The following NRG1 variants were observed in gnomAD, a reference collection of about 807,000 sequenced individuals.
The protein encoded by NRG1 is pro-neuregulin-1, membrane-bound isoform.
In NRG1, 18 loss-of-function variants were observed where a neutral mutation model predicts 63.8. The ratio of observed to expected loss-of-function variants is 0.28; its 90% CI spans 0.19 to 0.42. The LOEUF is 0.42. Ranked by LOEUF, NRG1 falls within the 10% of genes least tolerant of loss-of-function variation. The probability of loss-of-function intolerance (pLI) is 1.00; values close to 1 mark genes in which losing one functional copy is unlikely to be tolerated. For missense variants in NRG1, 762 were observed against 814.7 expected, an observed-to-expected ratio of 0.94 and a Z score of 0.79; for synonymous variants, 302 against 301.3, an observed-to-expected ratio of 1.00 and a Z score of -0.02.
intron 5 of NRG1, among the ~76,000 whole-genome samples, chr8:32,656,217 A>G (rs886598970): frequency 1.1e-4 from 17 of 152,174 alleles, no homozygotes; most frequent in Admixed American, 9.8e-4. Flanking sequence ...AAATGAGCAG[A>G]TAAAAATATT....
intron 1 of NRG1, among the ~76,000 whole-genome samples, chr8:31,934,615 C>A (rs1835149847): frequency 6.6e-6 from 1 of 151,796 alleles, no homozygotes; most frequent in Non-Finnish European, 1.5e-5. Context: ...TTTGTACCTC[C>A]AAAATGTTTG....
chr8:32,188,800 G>A (rs1222307480), intron 1 of NRG1, among the ~76,000 whole-genome samples: 1 of 151,918 alleles, frequency 6.6e-6, no homozygotes, highest in Admixed American at 6.6e-5. Flanking sequence ...ATCACACTCT[G>A]GGGACTGTTG....
At chr8:32,397,780 A>G (rs774610016) in intron 1 of NRG1, among the ~76,000 whole-genome samples, 8 of 152,152 alleles carry the variant, frequency 5.3e-5, no homozygotes, top group Non-Finnish European at 1.2e-4. Context: ...TACCCAGTCT[A>G]TTGCAGGTTT....
At chr8:32,067,637 C>T (rs1472893955) in intron 1 of NRG1, among the ~76,000 whole-genome samples, 1 of 152,074 alleles carries the variant, frequency 6.6e-6, no homozygotes, top group Non-Finnish European at 1.5e-5. Flanking sequence ...TGAACCTCAC[C>T]TTTGGAAGTT....
intron 1 of NRG1, among the ~76,000 whole-genome samples, chr8:31,824,678 A>G (rs1345059406): frequency 6.6e-6 from 1 of 152,256 alleles, no homozygotes; most frequent in East Asian, 1.9e-4. Context: ...CTGCAGATGC[A>G]TGTAAAGCTA....
At chr8:32,414,264 A>G (rs1815542894) in intron 1 of NRG1, among the ~76,000 whole-genome samples, 2 of 152,128 alleles carry the variant, frequency 1.3e-5, no homozygotes, top group South Asian at 4.1e-4. Context: ...CATTATGGTT[A>G]TAGCTGAGAT....
At chr8:32,588,214 C>G (rs968627847) in intron 1 of NRG1, among the ~76,000 whole-genome samples, 1 of 152,064 alleles carries the variant, frequency 6.6e-6, no homozygotes, top group Non-Finnish European at 1.5e-5. Context: ...GAGCCACCAG[C>G]GCCCAGCCCT....
chr8:31,740,955 C>CAT (rs1201808359), intron 1 of NRG1, among the ~76,000 whole-genome samples: 4 of 151,990 alleles, frequency 2.6e-5, no homozygotes, highest in African/African-American at 9.7e-5. Context: ...GTAGCAAAGA[C>CAT]ATGGAAATCA....
intron 1 of NRG1, among the ~76,000 whole-genome samples, chr8:31,695,039 T>C (rs1195544867): frequency 1.3e-5 from 2 of 152,162 alleles, no homozygotes; most frequent in Non-Finnish European, 2.9e-5. Context: ...TTCTGCAGGC[T>C]GTACAGGAAG....
chr8:32,766,643 A>G (rs765767615), exon 12 of NRG1: 1 of 152,230 alleles, frequency 6.6e-6, no homozygotes, highest in Non-Finnish European at 1.5e-5. Context: ...GTTGAGAACC[A>G]TGAGCAACAT....
intron 1 of NRG1, among the ~76,000 whole-genome samples, chr8:31,860,951 C>T (rs970378775): frequency 2.0e-5 from 3 of 152,034 alleles, no homozygotes; most frequent in Non-Finnish European, 2.9e-5. Context: ...TTTAGAAAGC[C>T]GAGATTCAGA....
intron 1 of NRG1, among the ~76,000 whole-genome samples, chr8:32,212,213 G>T (rs1219612150): frequency 1.3e-5 from 2 of 152,070 alleles, no homozygotes; most frequent in Non-Finnish European, 2.9e-5. Context: ...ATAGGGGCAG[G>T]GGAGAAGGAA....
chr8:32,703,420 GT>G (rs68040856), intron 5 of NRG1, among the ~76,000 whole-genome samples: 14,489 of 126,842 alleles, frequency 0.11, 664 homozygotes, highest in African/African-American at 0.17. Context: ...CACTAATGAT[GT>G]TTTTTTTTTT....
At chr8:32,567,335 T>C (rs1023653716) in intron 1 of NRG1, among the ~76,000 whole-genome samples, 1 of 152,110 alleles carries the variant, frequency 6.6e-6, no homozygotes. Flanking sequence ...CTAAGAAAAA[T>C]TTGACAAGGT....
intron 1 of NRG1, among the ~76,000 whole-genome samples, chr8:32,220,328 A>G (rs577612373): frequency 9.9e-5 from 15 of 152,268 alleles, no homozygotes; most frequent in Middle Eastern, 3.4e-3. Context: ...GTTATAAAGC[A>G]TCTGCTTCTG....
chr8:32,016,924 T>C (rs1018151833), intron 1 of NRG1, among the ~76,000 whole-genome samples: 2 of 152,176 alleles, frequency 1.3e-5, no homozygotes, highest in Non-Finnish European at 1.5e-5. Flanking sequence ...ACTCCAAGAA[T>C]CATACCATCG....
chr8:31,976,407 T>C (rs327418), intron 1 of NRG1, among the ~76,000 whole-genome samples: 4,735 of 152,246 alleles, frequency 0.031, 222 homozygotes, highest in African/African-American at 0.11. Flanking sequence ...ATTAACCATA[T>C]GTTCTGACAA....
At chr8:31,962,257 G>A (rs1180340131) in intron 1 of NRG1, among the ~76,000 whole-genome samples, 1 of 152,154 alleles carries the variant, frequency 6.6e-6, no homozygotes, top group Non-Finnish European at 1.5e-5. Flanking sequence ...AATTTCCTCA[G>A]ACAATTCAGC....
intron 1 of NRG1, among the ~76,000 whole-genome samples, chr8:32,209,591 A>T (rs571181355): frequency 5.9e-5 from 9 of 152,230 alleles, no homozygotes; most frequent in Non-Finnish European, 1.3e-4. Context: ...AGATTATTTA[A>T]GAAAATCTAC....
Sources: gnomAD v4.1 joint callset for allele counts (sites outside exome capture counted in the v4.1 genomes callset) on GRCh38, gnomAD v4.1.1 for gene constraint, MANE v1.5 for transcripts, NCBI Gene and HGNC (gene_info 2026-07-23, HGNC 2026-07-21) for gene names.